CNTNAP2: variants seen among roughly 807,000 people sequenced by gnomAD.
CNTNAP2 encodes contactin-associated protein-like 2.
In CNTNAP2, 98 loss-of-function variants were observed where a neutral mutation model predicts 155.2. The observed-to-expected ratio is 0.63, with a 90% confidence interval of 0.54 to 0.75. The LOEUF is 0.75. Among genes scored for constraint, CNTNAP2 ranks in the 30% least tolerant of loss-of-function variants. The pLI is 0.00. For synonymous variants in CNTNAP2, 651 were observed against 631.2 expected (o/e 1.03, Z -0.47); for missense variants, 1,727 against 1,688.1 (o/e 1.02, Z -0.40).
chr7:148,089,607 T>C lies in CNTNAP2; in HGVS notation c.2384-28511T>C, dbSNP rs1027093593. Among the ~76,000 whole-genome samples the C allele has an allele frequency of 5.9e-5, 9 of 151,986 alleles. No individual in the cohort carries two copies. In the East Asian group the frequency reaches 9.6e-4, roughly 16 times the overall value. On this transcript the variant is annotated intron_variant, in intron 15 of 23. Coordinates refer to ENST00000361727, the MANE Select transcript of CNTNAP2 (RefSeq NM_014141.6). Reference sequence around the variant, plus strand: ...TAACCAAGGAGGTAAAAGTTTATAATGAAATTTATAAAACATTGAGGAAAG... The same window carrying C: ...TAACCAAGGAGGTAAAAGTTTATAACGAAATTTATAAAACATTGAGGAAAG...
chr7:147,976,534 TTTTTAAAAACCCTTCA>T (rs1801428405), intron 14 of CNTNAP2, among the ~76,000 whole-genome samples: 1 of 152,208 alleles, frequency 6.6e-6, no homozygotes, highest in African/African-American at 2.4e-5. Context: ...AAATAATTAT[TTTTTAAAAACCCTTCA>T]TTTTGAAAAC....
At chr7:146,866,863 A>G (rs1795215000) in intron 3 of CNTNAP2, among the ~76,000 whole-genome samples, 4 of 152,156 alleles carry the variant, frequency 2.6e-5, no homozygotes, top group African/African-American at 9.6e-5. Context: ...AACAAGATAG[A>G]TGTATAATAT....
chr7:146,634,145 A>G (rs1799558307), intron 1 of CNTNAP2, among the ~76,000 whole-genome samples: 1 of 152,166 alleles, frequency 6.6e-6, no homozygotes, highest in Non-Finnish European at 1.5e-5. Flanking sequence ...CACATTTGCC[A>G]ATTATGTACA....
At chr7:147,340,091 C>G (rs1211401244) in intron 9 of CNTNAP2, among the ~76,000 whole-genome samples, 1 of 152,100 alleles carries the variant, frequency 6.6e-6, no homozygotes, top group Non-Finnish European at 1.5e-5. Flanking sequence ...AGATCCTTTT[C>G]TAGCCTGCAT....
chr7:147,770,532 C>T (rs7808578), intron 13 of CNTNAP2, among the ~76,000 whole-genome samples: 24 of 151,912 alleles, frequency 1.6e-4, no homozygotes, highest in Admixed American at 1.6e-3. Context: ...CTATATTTTC[C>T]AAATGTTTTG....
intron 14 of CNTNAP2, among the ~76,000 whole-genome samples, chr7:147,904,656 A>G (rs1799928478): frequency 6.6e-6 from 1 of 152,182 alleles, no homozygotes; most frequent in African/African-American, 2.4e-5. Context: ...CCAGTTAACC[A>G]AAAACAAATT....
chr7:146,515,166 G>A (rs1298337196), intron 1 of CNTNAP2, among the ~76,000 whole-genome samples: 2 of 152,020 alleles, frequency 1.3e-5, no homozygotes, highest in African/African-American at 4.8e-5. Flanking sequence ...ATGGTTGCAA[G>A]CCCCTCTTTG....
chr7:147,145,786 T>A (rs911157335), intron 8 of CNTNAP2, among the ~76,000 whole-genome samples: 4 of 152,208 alleles, frequency 2.6e-5, no homozygotes, highest in African/African-American at 9.7e-5. Flanking sequence ...GCTTTCTTTG[T>A]GGAAATTTTG....
intron 1 of CNTNAP2, among the ~76,000 whole-genome samples, chr7:146,730,542 C>G (rs997514387): frequency 5.3e-5 from 8 of 152,000 alleles, no homozygotes; most frequent in African/African-American, 1.9e-4. Context: ...TAATCTCTAC[C>G]CCCTTTTATT....
At chr7:147,403,664 C>A (rs1303235351) in intron 10 of CNTNAP2, among the ~76,000 whole-genome samples, 3 of 152,148 alleles carry the variant, frequency 2.0e-5, no homozygotes, top group Non-Finnish European at 2.9e-5. Context: ...TTTTTCCAAT[C>A]AAAAGCTACT....
intron 1 of CNTNAP2, among the ~76,000 whole-genome samples, chr7:146,196,988 T>C (rs544424262): frequency 6.6e-6 from 1 of 152,248 alleles, no homozygotes; most frequent in African/African-American, 2.4e-5. Flanking sequence ...CAAATTTTTT[T>C]CCCCAGTGAA....
intron 9 of CNTNAP2, among the ~76,000 whole-genome samples, chr7:147,334,615 G>A (rs1795634645): frequency 6.6e-6 from 1 of 152,158 alleles, no homozygotes; most frequent in African/African-American, 2.4e-5. Flanking sequence ...ACAATTTGGA[G>A]ATCAAGAAGG....
chr7:147,750,810 G>T (rs565678896), intron 13 of CNTNAP2, among the ~76,000 whole-genome samples: 33 of 152,200 alleles, frequency 2.2e-4, no homozygotes, highest in African/African-American at 7.7e-4. Context: ...AGGCCAAGGC[G>T]GGTAGATCAC....
At chr7:148,399,344 G>GTTGCCTATAGTCCCAGCGGCACGT (rs68151833) in intron 22 of CNTNAP2, among the ~76,000 whole-genome samples, 10 of 152,190 alleles carry the variant, frequency 6.6e-5, no homozygotes, top group African/African-American at 2.2e-4. Context: ...GCAGTGGCAC[G>GTTGCCTATAGTCCCAGCGGCACGT]TGCCTATAGT....
chr7:147,830,311 CT>C (rs938141427), intron 13 of CNTNAP2, among the ~76,000 whole-genome samples: 1 of 151,972 alleles, frequency 6.6e-6, no homozygotes, highest in African/African-American at 2.4e-5. Context: ...ATAGATGGCT[CT>C]TTCTAGCTGT....
intron 1 of CNTNAP2, among the ~76,000 whole-genome samples, chr7:146,407,703 C>T (rs894474786): frequency 4.6e-5 from 7 of 152,032 alleles, no homozygotes; most frequent in African/African-American, 1.7e-4. Context: ...GGTCAATGAA[C>T]ATTGAATATA....
chr7:148,229,598 T>C (rs1795922375), intron 19 of CNTNAP2, 48 bp from the exon 20 acceptor site: 3 of 1,609,504 alleles, frequency 1.9e-6, no homozygotes, highest in Non-Finnish European at 2.6e-6. Context: ...GACATTAAAA[T>C]GAAATTTAGG....
intron 1 of CNTNAP2, among the ~76,000 whole-genome samples, chr7:146,225,842 T>G (rs1584811778): frequency 6.6e-6 from 1 of 152,338 alleles, no homozygotes; most frequent in Non-Finnish European, 1.5e-5. Flanking sequence ...ATATAATTAG[T>G]CTCTTTCTGG....
chr7:146,380,083 C>T lies in CNTNAP2; in HGVS notation c.97+263110C>T, dbSNP rs190080760. 5.0e-3 allele frequency among the ~76,000 whole-genome samples: 767 copies of T among 152,172 alleles called. 5 individuals carry two copies. The highest frequency in any genetic ancestry group is 7.8e-3 in the Non-Finnish European group (528 of 67,986). On this transcript the variant is annotated intron_variant, in intron 1 of 23. Transcript: ENST00000361727. ...AGCTGAATATGTTGAACTTAATGTG[C>T]TTTATGAGAATGCTGACTTCTTAAA...
Sources: gnomAD v4.1 joint callset for allele counts (sites outside exome capture counted in the v4.1 genomes callset) on GRCh38, gnomAD v4.1.1 for gene constraint, MANE v1.5 for transcripts, NCBI Gene and HGNC (gene_info 2026-07-23, HGNC 2026-07-21) for gene names.